Variants in COL25A1 observed in about 807,000 individuals in gnomAD.
The protein encoded by COL25A1 is collagen type XXV alpha 1 chain.
In COL25A1, 103 loss-of-function variants were observed where a neutral mutation model predicts 128.4. The observed-to-expected ratio is 0.80, with a 90% CI of 0.68 to 0.94. COL25A1 has a LOEUF of 0.94. Among genes scored for constraint, COL25A1 ranks in the 40% least tolerant of loss-of-function variants. The probability of loss-of-function intolerance (pLI) is 0.00; values close to 1 mark genes in which losing one functional copy is unlikely to be tolerated. For synonymous variants in COL25A1, 279 were observed against 277.2 expected, an observed-to-expected ratio of 1.01 and a Z score of -0.06; for missense variants, 745 against 840.0, an observed-to-expected ratio of 0.89 and a Z score of 1.40.
intron 5 of COL25A1, among the ~76,000 whole-genome samples, chr4:109,011,745 A>C (rs79336886): frequency 0.081 from 12,281 of 152,242 alleles, 851 homozygotes; most frequent in African/African-American, 0.19. Flanking sequence ...TTCGGCCTAG[A>C]AGTTTAAGCT....
intron 6 of COL25A1, among the ~76,000 whole-genome samples, chr4:109,000,192 G>T (rs1755211662): frequency 6.6e-6 from 1 of 152,044 alleles, no homozygotes; most frequent in Admixed American, 6.6e-5. Context: ...ATTTAAAGAG[G>T]AAACTGGAGG....
intron 15 of COL25A1, among the ~76,000 whole-genome samples, chr4:108,897,655 AATG>A (rs1432720067): frequency 6.6e-6 from 1 of 152,254 alleles, no homozygotes; most frequent in Non-Finnish European, 1.5e-5. Flanking sequence ...ATAAGCTATT[AATG>A]ATAACAATGC....
chr4:109,288,917 A>C (rs1724152737), intron 3 of COL25A1, among the ~76,000 whole-genome samples: 1 of 151,832 alleles, frequency 6.6e-6, no homozygotes, highest in African/African-American at 2.4e-5. Flanking sequence ...AAGGAAACAG[A>C]ATAATAAACA....
At chr4:108,960,844 T>C (rs1245247579) in intron 8 of COL25A1, among the ~76,000 whole-genome samples, 2 of 152,124 alleles carry the variant, frequency 1.3e-5, no homozygotes, top group African/African-American at 4.8e-5. Flanking sequence ...AGCCAGTCTT[T>C]GATGCGATCA....
intron 3 of COL25A1, among the ~76,000 whole-genome samples, chr4:109,148,923 T>A (rs1330570213): frequency 6.6e-6 from 1 of 152,172 alleles, no homozygotes; most frequent in Non-Finnish European, 1.5e-5. Context: ...CCTTCTCTTC[T>A]TTCTCCTCTC....
chr4:109,233,349 G>A (rs559972373), intron 3 of COL25A1, among the ~76,000 whole-genome samples: 5 of 152,002 alleles, frequency 3.3e-5, no homozygotes, highest in South Asian at 2.1e-4. Flanking sequence ...TGTTAATTAC[G>A]CTTGGTTTTC....
At chr4:109,024,489 G>C (rs1015472639) in intron 5 of COL25A1, among the ~76,000 whole-genome samples, 2 of 151,850 alleles carry the variant, frequency 1.3e-5, no homozygotes, top group African/African-American at 2.4e-5. Flanking sequence ...AAAAAAGAAA[G>C]AGAAGGAAAA....
chr4:109,093,530 G>C (rs991533823), intron 3 of COL25A1, among the ~76,000 whole-genome samples: 1 of 151,380 alleles, frequency 6.6e-6, no homozygotes, highest in Non-Finnish European at 1.5e-5. Context: ...CCAGCTACCT[G>C]GGAGGCTGAG....
intron 31 of COL25A1, among the ~76,000 whole-genome samples, chr4:108,837,381 G>T (rs565259761): frequency 6.6e-6 from 1 of 151,956 alleles, no homozygotes; most frequent in South Asian, 2.1e-4. Flanking sequence ...CATATTAAAG[G>T]CTTGAAATTA....
intron 3 of COL25A1, among the ~76,000 whole-genome samples, chr4:109,226,903 G>A (rs1362349393): frequency 2.0e-5 from 3 of 152,118 alleles, no homozygotes; most frequent in Admixed American, 6.5e-5. Context: ...GAGTATAGCA[G>A]TTGTGAGTAG....
chr4:109,152,732 T>A (rs1771621691), intron 3 of COL25A1, among the ~76,000 whole-genome samples: 2 of 152,134 alleles, frequency 1.3e-5, no homozygotes, highest in African/African-American at 4.8e-5. Context: ...AGATGAAACT[T>A]AAAGACATAC....
intron 3 of COL25A1, among the ~76,000 whole-genome samples, chr4:109,188,082 GAA>G (rs996499723): frequency 5.3e-5 from 8 of 151,978 alleles, no homozygotes; most frequent in Non-Finnish European, 1.2e-4. Flanking sequence ...GAAACTAATC[GAA>G]AAACACAATA....
chr4:108,918,742 A>G (rs930771849), intron 12 of COL25A1, among the ~76,000 whole-genome samples: 2 of 152,264 alleles, frequency 1.3e-5, no homozygotes, highest in Non-Finnish European at 2.9e-5. Flanking sequence ...GAATGTGAAT[A>G]TGTCTTCCAG....
intron 11 of COL25A1, among the ~76,000 whole-genome samples, chr4:108,932,826 T>C (rs578010764): frequency 1.7e-3 from 260 of 152,328 alleles, no homozygotes; most frequent in African/African-American, 5.8e-3. Context: ...AACTGAAAGA[T>C]AAAGATAATT....
rs1187898145 is a variant in COL25A1, at chr4:108,864,253, C to T, written c.1084-866G>A. On this transcript the variant is annotated intron_variant, in intron 20 of 37. Coordinates refer to ENST00000399132, the MANE Select transcript of COL25A1 (RefSeq NM_198721.4). ...ATTGATAAAGGCCATCATTATACCT[C>T]AAGATAGGAATGAATATCCATTTTC... Among the ~76,000 whole-genome samples, 4 of 152,166 alleles carry T rather than the reference C, an allele frequency of 2.6e-5. No homozygotes were observed. The East Asian group carries it at 5.8e-4, about 22-fold the overall frequency.
chr4:109,169,385 C>T (rs1385360189), intron 3 of COL25A1, among the ~76,000 whole-genome samples: 1 of 152,102 alleles, frequency 6.6e-6, no homozygotes, highest in South Asian at 2.1e-4. Flanking sequence ...ATTTGTGTGT[C>T]TTATGATATG....
intron 3 of COL25A1, among the ~76,000 whole-genome samples, chr4:109,067,026 A>G (rs1170621108): frequency 2.6e-5 from 4 of 152,228 alleles, no homozygotes; most frequent in Non-Finnish European, 5.9e-5. Context: ...AGATAAAATT[A>G]TTCTCATTCT....
chr4:109,010,309 T>C, intron 6 of COL25A1, 49 bp downstream of exon 6: 2 of 1,481,708 alleles, frequency 1.3e-6, no homozygotes, highest in Admixed American at 2.0e-5. Flanking sequence ...ACCTCCACAC[T>C]GGGAAAATCC....
intron 8 of COL25A1, among the ~76,000 whole-genome samples, chr4:108,954,907 A>G (rs536207535): frequency 1.7e-4 from 26 of 152,170 alleles, no homozygotes; most frequent in African/African-American, 5.8e-4. Context: ...TCTAAAAGCA[A>G]TAGCCCAATT....
Sources: gnomAD v4.1 joint callset for allele counts (sites outside exome capture counted in the v4.1 genomes callset) on GRCh38, gnomAD v4.1.1 for gene constraint, MANE v1.5 for transcripts, NCBI Gene and HGNC (gene_info 2026-07-23, HGNC 2026-07-21) for gene names.